Variants in LCORL observed in about 807,000 individuals in gnomAD.
The protein encoded by LCORL is ligand-dependent nuclear receptor corepressor-like protein.
Under a neutral mutation model 141.8 loss-of-function variants are expected in LCORL, and 41 were observed. That is an observed-to-expected ratio of 0.29 (90% confidence interval 0.23 to 0.38). The LOEUF (loss-of-function observed/expected upper bound fraction) is 0.38. Ranked by LOEUF, LCORL falls within the 10% of genes least tolerant of loss-of-function variation. The pLI, the probability that LCORL is intolerant of heterozygous loss-of-function variation, is 1.00. For missense variants in LCORL, 1,759 were observed against 2,035.0 expected (o/e 0.86, Z 2.61); for synonymous variants, 618 against 694.1 (o/e 0.89, Z 1.72).
At chr4:17,990,643 T>TTG (rs1491247232) in intron 1 of LCORL, among the ~76,000 whole-genome samples, 2 of 80,436 alleles carry the variant, frequency 2.5e-5, no homozygotes, top group Non-Finnish European at 4.5e-5. Flanking sequence ...CCCATCTTGG[T>TTG]TTTTTTTTTT....
intron 1 of LCORL, among the ~76,000 whole-genome samples, chr4:18,000,961 C>T (rs1404089770): frequency 6.6e-6 from 1 of 152,080 alleles, no homozygotes. Flanking sequence ...TACTGTAATC[C>T]AGAAAGAAAA....
exon 7 of LCORL, chr4:17,878,061 A>T: frequency 8.1e-7 from 1 of 1,230,654 alleles, no homozygotes; most frequent in Non-Finnish European, 1.0e-6. Context: ...ACAACAGCAA[A>T]GAGAAGCAGC....
chr4:17,941,524 T>G (rs1737963524), intron 4 of LCORL, among the ~76,000 whole-genome samples: 1 of 152,046 alleles, frequency 6.6e-6, no homozygotes, highest in African/African-American at 2.4e-5. Context: ...GTATCAATGT[T>G]CTCAGACATT....
At chr4:18,002,595 G>A (rs934575757) in intron 1 of LCORL, among the ~76,000 whole-genome samples, 3 of 152,096 alleles carry the variant, frequency 2.0e-5, no homozygotes, top group Non-Finnish European at 2.9e-5. Flanking sequence ...TTATTCAGAT[G>A]AGAACATGGA....
At chr4:17,926,707 C>T (rs1193429447) in intron 4 of LCORL, among the ~76,000 whole-genome samples, 1 of 152,246 alleles carries the variant, frequency 6.6e-6, no homozygotes, top group East Asian at 1.9e-4. Context: ...TTCATATACA[C>T]ATCTATCATA....
At chr4:17,842,049 CTTCTT>C (rs1722461953) in exon 8 of LCORL, 3 of 358,686 alleles carry the variant, frequency 8.4e-6, no homozygotes, top group East Asian at 1.1e-4. Flanking sequence ...TAAAATTTGC[CTTCTT>C]TTAACTTGCT....
chr4:17,969,932 T>C (rs557755500), intron 2 of LCORL, among the ~76,000 whole-genome samples: 28 of 152,322 alleles, frequency 1.8e-4, no homozygotes, highest in Non-Finnish European at 3.7e-4. Flanking sequence ...TCGTGTTGTG[T>C]ATGGCTATCA....
rs559527103 is a variant in LCORL at position 18,004,927 on chromosome 4, C to CA, written c.154+16670_154+16671insT. On this transcript the variant is annotated intron_variant, in intron 1 of 7. Transcript: ENST00000635767. ...CCGAAATCCAGCAGGGCAGTCAAAG[C>CA]TTTTTTTTTTTTTAGATGGAGTTCC... 6.2e-4 allele frequency among the ~76,000 whole-genome samples: 89 copies of CA among 143,104 alleles called. No homozygotes were observed. The East Asian group carries it at 9.5e-3, about 15-fold the overall frequency. The allele number at this position is 143,104 out of a possible 152,430, so 93.9% of individuals were successfully genotyped here. A position where few individuals can be genotyped will look rare whatever the true frequency, so the allele number is the denominator to read the frequency against.
intron 7 of LCORL, among the ~76,000 whole-genome samples, chr4:17,852,751 G>A (rs1312969426): frequency 2.0e-5 from 3 of 152,158 alleles, no homozygotes; most frequent in Non-Finnish European, 4.4e-5. Context: ...ATGTGCATTT[G>A]CAAAGTGTGA....
intron 1 of LCORL, among the ~76,000 whole-genome samples, chr4:18,006,886 C>T (rs1722904749): frequency 6.6e-6 from 1 of 152,148 alleles, no homozygotes; most frequent in Admixed American, 6.5e-5. Flanking sequence ...TGCTCTATAT[C>T]CTACTCTGGA....
intron 1 of LCORL, among the ~76,000 whole-genome samples, chr4:17,998,985 A>ATATAT (rs1553885284): frequency 5.2e-4 from 30 of 57,874 alleles, no homozygotes; most frequent in Non-Finnish European, 8.6e-4. Context: ...AAAAAAAAAA[A>ATATAT]ATATATATAT....
chr4:17,945,980 A>T (rs149739887), intron 4 of LCORL, among the ~76,000 whole-genome samples: 297 of 152,120 alleles, frequency 2.0e-3, no homozygotes, highest in African/African-American at 6.6e-3. Flanking sequence ...GAAATAGAAA[A>T]ATCAGAGAAA....
intron 1 of LCORL, among the ~76,000 whole-genome samples, chr4:17,994,640 T>C (rs532658277): frequency 1.5e-4 from 23 of 152,312 alleles, no homozygotes; most frequent in African/African-American, 4.3e-4. Flanking sequence ...CCTGTAATTT[T>C]TTAATGTCTC....
chr4:17,924,884 A>G (rs1285681350), intron 4 of LCORL, among the ~76,000 whole-genome samples: 6 of 152,172 alleles, frequency 3.9e-5, no homozygotes, highest in Non-Finnish European at 7.4e-5. Flanking sequence ...AGTTCTCCAG[A>G]AGGCTGTGCA....
chr4:17,847,541 C>T (rs1723077685), intron 7 of LCORL, among the ~76,000 whole-genome samples: 1 of 152,138 alleles, frequency 6.6e-6, no homozygotes, highest in South Asian at 2.1e-4. Flanking sequence ...TACCAGGTAG[C>T]TTAGTATGCA....
intron 1 of LCORL, among the ~76,000 whole-genome samples, chr4:18,004,122 T>C (rs945575065): frequency 1.3e-5 from 2 of 152,222 alleles, no homozygotes; most frequent in East Asian, 1.9e-4. Context: ...TACATATCCT[T>C]GCAATGACTG....
chr4:17,962,235 T>C (rs892504282), intron 3 of LCORL, among the ~76,000 whole-genome samples: 1 of 151,452 alleles, frequency 6.6e-6, no homozygotes, highest in African/African-American at 2.4e-5. Context: ...AATAACCTTA[T>C]TCCTTAGCAA....
intron 4 of LCORL, among the ~76,000 whole-genome samples, chr4:17,943,908 T>C (rs1738401869): frequency 6.6e-6 from 1 of 152,228 alleles, no homozygotes; most frequent in Non-Finnish European, 1.5e-5. Context: ...AAATTTCATT[T>C]GTTACTCACA....
intron 5 of LCORL, among the ~76,000 whole-genome samples, chr4:17,897,902 C>T (rs975140104): frequency 6.6e-6 from 1 of 152,144 alleles, no homozygotes; most frequent in South Asian, 2.1e-4. Context: ...AGACCACACT[C>T]CAGGTTTAGG....
Sources: allele counts gnomAD v4.1 joint callset (sites outside exome capture counted in the v4.1 genomes callset), GRCh38; gene constraint gnomAD v4.1.1; transcripts MANE v1.5; gene names NCBI Gene and HGNC (gene_info 2026-07-23, HGNC 2026-07-21).